Variants in BAIAP3 observed in about 807,000 individuals in gnomAD.
BAIAP3 encodes BAI1 associated protein 3.
Under a neutral mutation model 149.7 loss-of-function variants are expected in BAIAP3, and 180 were observed. The observed-to-expected ratio is 1.20, with a 90% CI of 1.07 to 1.36. The LOEUF is 1.36. Among genes scored for constraint, BAIAP3 ranks in the 40% most tolerant of loss-of-function variants. BAIAP3 has a pLI of 0.00. For synonymous variants in BAIAP3, 845 were observed against 670.7 expected (o/e 1.26, Z -4.02); for missense variants, 1,767 against 1,563.4 (o/e 1.13, Z -2.20).
At position 1,346,696 on chromosome 16, in the gene BAIAP3, TGG is replaced by T; in HGVS notation, c.2642+15_2642+16del. Reference sequence around the variant, plus strand: ...GGGAACCTGAGCAGGTGCGGGCGGGTGGGGTGGGATGGGCTGGGCTGGCCCGT... The same window carrying T: ...GGGAACCTGAGCAGGTGCGGGCGGGTGGTGGGATGGGCTGGGCTGGCCCGT... On this transcript the variant is annotated intron_variant, in intron 27 of 33. Transcript: ENST00000426824. 1 of 135,920 alleles carries T rather than the reference TGG, an allele frequency of 7.4e-6. No homozygotes were observed. The highest frequency in any genetic ancestry group is 1.3e-5 in the Non-Finnish European group (1 of 77,158). 8.4% of individuals were successfully genotyped at this position (135,920 alleles called of 1,614,324 possible).
intron 5 of BAIAP3, among the ~76,000 whole-genome samples, chr16:1,339,817 A>AGG (rs539024243): frequency 0.021 from 1,791 of 86,078 alleles, 34 homozygotes; most frequent in African/African-American, 0.031. Context: ...ACACAGACAC[A>AGG]CACACAGGCT....
At position 1,342,074 on chromosome 16, in the gene BAIAP3, T is replaced by C. The variant is rs1259671964; in HGVS notation, c.854+11T>C. On this transcript the variant is annotated intron_variant, in intron 10 of 33. Transcript: ENST00000426824. ...GAAGGGCATGGGCAGGTATGACTGC[T>C]GGGACCTTTCTACCCATCACCCGTG... The C allele has an allele frequency of 1.9e-6, 3 of 1,594,166 alleles. No homozygotes were observed. Among genetic ancestry groups the C allele is most frequent in the Non-Finnish European group, 2.6e-6 (3 of 1,169,792 alleles).
chr16:1,344,084 G>A lies in BAIAP3; in HGVS notation c.1449G>A (p.Gln483=). ...AGTTCGGGCTGCAGCTGCTGCGCCA[G>A]CTCCGAGACTACTTCCCTGCCACCA... ...FSEFGLQLLR[Q]LRDYFPATNS... Residue 483 remains glutamine (Q), a synonymous_variant, in exon 16 of 34, where the codon CAG becomes CAA. Transcript: ENST00000426824. 13 of 1,612,210 alleles carry A rather than the reference G, an allele frequency of 8.1e-6. No individual in the cohort carries two copies. The highest frequency in any genetic ancestry group is 1.1e-5 in the Non-Finnish European group (13 of 1,179,914).
intron 1 of BAIAP3, among the ~76,000 whole-genome samples, chr16:1,335,516 C>T (rs1161587448): frequency 6.6e-6 from 1 of 152,228 alleles, no homozygotes; most frequent in Non-Finnish European, 1.5e-5. Flanking sequence ...GAGAGCCACC[C>T]AGGCAGCCAG....
At chr16:1,341,080 T>TG in intron 6 of BAIAP3, 49 bp from the exon 7 acceptor site, 1 of 1,611,006 alleles carries the variant, frequency 6.2e-7, no homozygotes, top group Non-Finnish European at 8.5e-7. Context: ...GTAGGGCATC[T>TG]GGGGGGCAGC....
At chr16:1,338,473 C>A (rs543937481) in intron 1 of BAIAP3, 67 bp from the exon 2 acceptor site, 23 of 1,091,542 alleles carry the variant, frequency 2.1e-5, no homozygotes, top group Non-Finnish European at 2.7e-5. Flanking sequence ...CCCACCCCCC[C>A]GCCTGCTGTG....
intron 1 of BAIAP3, chr16:1,336,528 A>G (rs1329526337): frequency 1.2e-5 from 4 of 345,706 alleles, no homozygotes; most frequent in African/African-American, 8.9e-5. Flanking sequence ...GGGACCCTGG[A>G]ATCAAGACGA....
At position 1,341,434 on chromosome 16, in the gene BAIAP3, G is replaced by A. The variant is rs773168499; in HGVS notation, c.676G>A (p.Val226Ile). Residue 226 changes from valine (V) to isoleucine (I), a missense_variant, in exon 8 of 34, where the codon GTC becomes ATC. By Grantham distance (29) the Val-to-Ile change is conservative. Transcript: ENST00000426824. ...ACCCCTGCCTGCCAAGTGCATCCAGGTCACCGAGGTGAAGAGCAGCACCCT... is the reference window on the plus strand; with the variant it reads ...ACCCCTGCCTGCCAAGTGCATCCAGATCACCGAGGTGAAGAGCAGCACCCT... ...GGPLPAKCIQ[V>I]TEVKSSTLNP... 8 of 1,612,658 alleles carry A rather than the reference G, an allele frequency of 5.0e-6. No homozygotes were observed. The highest frequency in any genetic ancestry group is 6.8e-6 in the Non-Finnish European group (8 of 1,179,892).
rs763708099 is a variant in BAIAP3 at position 1,344,539 on chromosome 16, G to A, written c.1659+14G>A. On this transcript the variant is annotated intron_variant, in intron 18 of 33. Coordinates refer to ENST00000426824, the MANE Select transcript of BAIAP3 (RefSeq NM_001199097.2). ...CCCCGAGAGCAGGTGCAGTTGTGGG[G>A]GACCCTGGCCATGAGGGGTACGGGC... The A allele has an allele frequency of 1.9e-6, 3 of 1,612,678 alleles. No individual in the cohort carries two copies. Among genetic ancestry groups the A allele is most frequent in the Non-Finnish European group, 2.5e-6 (3 of 1,179,940 alleles).
At chr16:1,343,285 G>A in intron 14 of BAIAP3, 108 bp from the exon 15 acceptor site, 1 of 1,458,816 alleles carries the variant, frequency 6.9e-7, no homozygotes, top group Non-Finnish European at 9.2e-7. Context: ...AGTAGGCGCG[G>A]CAGTGCTGAT....
At chr16:1,342,665 C>T (rs757143596) in intron 12 of BAIAP3, 31 bp downstream of exon 12, 1 of 1,609,110 alleles carries the variant, frequency 6.2e-7, no homozygotes, top group South Asian at 1.1e-5. Flanking sequence ...CGTCCTCCAC[C>T]CCCGTCCTTG....
At chr16:1,336,743 G>A (rs894897345) in intron 1 of BAIAP3, among the ~76,000 whole-genome samples, 1 of 152,208 alleles carries the variant, frequency 6.6e-6, no homozygotes, top group African/African-American at 2.4e-5. Context: ...GGCATGCAGG[G>A]CCAACTGTCC....
At position 1,346,681 on chromosome 16, in the gene BAIAP3, G is replaced by C. The variant is rs2034393283; in HGVS notation, c.2639G>C (p.Ser880Thr). The C allele has an allele frequency of 6.6e-7, 1 of 1,504,460 alleles. No individual in the cohort carries two copies. The highest frequency in any genetic ancestry group is 1.4e-5 in the African/African-American group (1 of 71,514). 93.2% of individuals were successfully genotyped at this position (1,504,460 alleles called of 1,614,324 possible). ...GCCTCGCTGGTGAAGGGGAACCTGAGCAGGTGCGGGCGGGTGGGGTGGGAT... is the reference window on the plus strand; with the variant it reads ...GCCTCGCTGGTGAAGGGGAACCTGACCAGGTGCGGGCGGGTGGGGTGGGAT... ...LNASLVKGNL[S>T]RVLEALWELL... The change falls in exon 27 of 34, where the codon AGC (serine) becomes ACC (threonine). Residue 880 changes from serine to threonine, a missense_variant. Transcript: ENST00000426824.
Position 1,343,419 on chromosome 16 carries a change from A to G in BAIAP3, c.1292A>G (p.His431Arg), listed in dbSNP as rs769925618. 11 of 1,573,410 alleles carry G rather than the reference A, an allele frequency of 7.0e-6. No individual in the cohort carries two copies. Among genetic ancestry groups the G allele is most frequent in the East Asian group, 2.3e-5 (1 of 42,618 alleles). ...VLHWQVSSRH[H>R]QTCTLDYSYL... ...CACTGGCAGGTCAGCAGCCGCCACC[A>G]TCAAACCTGCACGCTGGACTACAGC... The change falls in exon 15 of 34, where the codon CAT becomes CGT. Residue 431 changes from histidine (H) to arginine (R), a missense_variant. His to Arg is a conservative substitution (Grantham distance 29). Coordinates refer to ENST00000426824, the MANE Select transcript of BAIAP3 (RefSeq NM_001199097.2).
Position 1,344,255 on chromosome 16 carries a change from C to T in BAIAP3, c.1540C>T (p.Pro514Ser), listed in dbSNP as rs751821607. 8 of 1,613,600 alleles carry T rather than the reference C, an allele frequency of 5.0e-6. No individual in the cohort carries two copies. The highest frequency in any genetic ancestry group is 1.1e-5 in the South Asian group (1 of 91,092). Residue 514 changes from proline to serine, a missense_variant, in exon 17 of 34, where the codon CCC (proline) becomes TCC (serine). Transcript: ENST00000426824. ...KCLGKLQLFQ[P>S]SFEICPFESE... The stretch of plus-strand genomic sequence containing the variant: ...TCTGGGCAAGCTGCAGCTCTTCCAA[C>T]CCTCCTTTGAGATCTGCCCCTTCGA...
At position 1,342,510 on chromosome 16, in the gene BAIAP3, C is replaced by G; in HGVS notation, c.958-17C>G. 1.3e-6 allele frequency: 2 copies of G among 1,548,712 alleles called. No homozygotes were observed. Among genetic ancestry groups the G allele is most frequent in the South Asian group, 1.2e-5 (1 of 84,080 alleles). ...GGGGGAGGAGTCTGGTGGGCCTGACCCCCATGCTACCCCCAGGAGGTGCCT... is the reference window on the plus strand; with the variant it reads ...GGGGGAGGAGTCTGGTGGGCCTGACGCCCATGCTACCCCCAGGAGGTGCCT... On this transcript the variant is annotated splice_polypyrimidine_tract_variant and intron_variant, in intron 11 of 33. Coordinates refer to ENST00000426824, the MANE Select transcript of BAIAP3 (RefSeq NM_001199097.2).
Position 1,348,865 on chromosome 16 carries a change from C to G in BAIAP3, c.*383C>G. On this transcript the variant is annotated 3_prime_UTR_variant, in exon 34 of 34. Coordinates refer to ENST00000426824, the MANE Select transcript of BAIAP3 (RefSeq NM_001199097.2). ...GTGAGTGGCTGTGCTCTCTGCACAA[C>G]GGGCAATGTGCAGACGCATTTTTGG... 1 of 343,136 alleles carries G rather than the reference C, an allele frequency of 2.9e-6. No individual in the cohort carries two copies. The highest frequency in any genetic ancestry group is 5.5e-6 in the Non-Finnish European group (1 of 182,552). The allele number at this position is 343,136 out of a possible 1,614,324, so 21.3% of individuals were successfully genotyped here. A position where few individuals can be genotyped will look rare whatever the true frequency, so the allele number is the denominator to read the frequency against.
intron 16 of BAIAP3, 25 bp downstream of exon 16, chr16:1,344,171 G>A (rs773636153): frequency 1.9e-6 from 3 of 1,612,170 alleles, no homozygotes; most frequent in East Asian, 2.2e-5. Flanking sequence ...GCGTGTCAGC[G>A]TGGGTGGGGG....
At chr16:1,342,443 T>C in intron 11 of BAIAP3, 84 bp from the exon 12 acceptor site, 1 of 1,404,938 alleles carries the variant, frequency 7.1e-7, no homozygotes, top group Non-Finnish European at 9.8e-7. Context: ...GCCCAGGCCA[T>C]GTGGTCTCTC....
Sources: allele counts gnomAD v4.1 joint callset (sites outside exome capture counted in the v4.1 genomes callset), GRCh38; gene constraint gnomAD v4.1.1; transcripts MANE v1.5; gene names NCBI Gene and HGNC (gene_info 2026-07-23, HGNC 2026-07-21).